The following PPP2R2D variants were observed in gnomAD, a reference collection of about 807,000 sequenced individuals.
PPP2R2D encodes protein phosphatase 2 regulatory subunit Bdelta.
PPP2R2D carries 9 observed loss-of-function variants against 31.1 expected under a neutral mutation model. The observed-to-expected ratio is 0.29, with a 90% CI of 0.17 to 0.51. PPP2R2D has a LOEUF of 0.51. Among genes scored for constraint, PPP2R2D ranks in the 20% least tolerant of loss-of-function variants. PPP2R2D has a pLI of 0.98. For synonymous variants in PPP2R2D, 179 were observed against 172.6 expected (o/e 1.04, Z -0.29); for missense variants, 391 against 465.6 (o/e 0.84, Z 1.48).
intron 3 of PPP2R2D, among the ~76,000 whole-genome samples, chr10:131,936,333 C>T (rs1303815200): frequency 6.6e-6 from 1 of 151,622 alleles, no homozygotes; most frequent in African/African-American, 2.4e-5. Flanking sequence ...ATTTTAGTAG[C>T]GATGGGGTTT....
the PPP2R2D span, chr10:131,971,056 G>A: frequency 7.3e-6 from 9 of 1,231,462 alleles, no homozygotes; most frequent in East Asian, 2.4e-5. Context: ...CTTCAGATCC[G>A]CAGGCTCAAT....
At chr10:131,948,782 G>A (rs1554898417) in intron 8 of PPP2R2D, among the ~76,000 whole-genome samples, 1 of 152,042 alleles carries the variant, frequency 6.6e-6, no homozygotes, top group African/African-American at 2.4e-5. Flanking sequence ...TTTCCTGTAT[G>A]TGCTTGGTAA....
chr10:131,910,713 G>A (rs917810540), intron 2 of PPP2R2D, among the ~76,000 whole-genome samples: 202 of 152,282 alleles, frequency 1.3e-3, no homozygotes, highest in Non-Finnish European at 2.0e-3. Context: ...TTCGTAATGC[G>A]TTGGCTAAGG....
At chr10:131,931,091 C>T (rs782438017) in intron 2 of PPP2R2D, among the ~76,000 whole-genome samples, 1 of 152,220 alleles carries the variant, frequency 6.6e-6, no homozygotes, top group Non-Finnish European at 1.5e-5. Flanking sequence ...CTACCTTGAG[C>T]ACGCAGGGTC....
At chr10:131,950,461 C>T (rs923365413) in intron 8 of PPP2R2D, among the ~76,000 whole-genome samples, 116 of 151,848 alleles carry the variant, frequency 7.6e-4, no homozygotes, top group African/African-American at 2.8e-3. Flanking sequence ...TCGGCTTTGC[C>T]ACGGCCACAG....
chr10:131,954,020 A>C (rs985175449), intron 8 of PPP2R2D, among the ~76,000 whole-genome samples: 10 of 152,164 alleles, frequency 6.6e-5, no homozygotes, highest in Non-Finnish European at 1.5e-4. Context: ...GTGCTGCCTC[A>C]GCCCAATCCT....
chr10:131,930,239 A>T (rs879959186), intron 2 of PPP2R2D, among the ~76,000 whole-genome samples: 4 of 151,990 alleles, frequency 2.6e-5, no homozygotes, highest in African/African-American at 7.2e-5. Flanking sequence ...TTTTTTAGCA[A>T]ACACTTCAAC....
At chr10:131,937,922 A>T (rs1446032003) in intron 3 of PPP2R2D, among the ~76,000 whole-genome samples, 1 of 151,802 alleles carries the variant, frequency 6.6e-6, no homozygotes, top group Admixed American at 6.6e-5. Flanking sequence ...GGCAGTCAGC[A>T]GCAAGGCGCT....
chr10:131,932,667 A>AAAAAAAAAAAAAAC (rs1564817986), intron 2 of PPP2R2D, among the ~76,000 whole-genome samples: 64 of 133,164 alleles, frequency 4.8e-4, no homozygotes, highest in South Asian at 1.3e-3. Context: ...AAAAAAAAAA[A>AAAAAAAAAAAAAAC]ACACACAAAA....
intron 2 of PPP2R2D, among the ~76,000 whole-genome samples, chr10:131,933,393 C>T (rs1197945801): frequency 6.6e-6 from 1 of 152,144 alleles, no homozygotes; most frequent in Admixed American, 6.5e-5. Context: ...TTACTTCCTA[C>T]TATAAACGTA....
At chr10:131,923,755 C>T (rs2119817637) in intron 2 of PPP2R2D, among the ~76,000 whole-genome samples, 1 of 152,058 alleles carries the variant, frequency 6.6e-6, no homozygotes, top group East Asian at 1.9e-4. Flanking sequence ...TTTCAATTGG[C>T]TTGTCTTTTT....
At chr10:131,930,737 G>T (rs2036205718) in intron 2 of PPP2R2D, among the ~76,000 whole-genome samples, 1 of 152,146 alleles carries the variant, frequency 6.6e-6, no homozygotes, top group African/African-American at 2.4e-5. Flanking sequence ...GCGCGGCCTG[G>T]GTCTGCCATC....
intron 2 of PPP2R2D, among the ~76,000 whole-genome samples, chr10:131,927,391 A>C (rs1554895073): frequency 6.6e-6 from 1 of 152,186 alleles, no homozygotes; most frequent in Non-Finnish European, 1.5e-5. Context: ...TGGAGCCTTC[A>C]GAGAGGGCGG....
chr10:131,960,866 C>T (rs149944076), downstream of PPP2R2D, among the ~76,000 whole-genome samples: 2 of 152,232 alleles, frequency 1.3e-5, no homozygotes, highest in African/African-American at 2.4e-5. Context: ...TAGCAGAGGT[C>T]GCATCTTCCC....
At position 131,956,606 on chromosome 10, in the gene PPP2R2D, T is replaced by G; in HGVS notation, c.*643T>G. On this transcript the variant is annotated 3_prime_UTR_variant, in exon 9 of 9. Coordinates refer to ENST00000455566, the MANE Select transcript of PPP2R2D (RefSeq NM_018461.5). ...TGCATAGAATGAAGTTATGCAGGGT[T>G]CTTCTTTGGAACTAACTGTTTGAGA... 7.3e-6 allele frequency: 7 copies of G among 964,246 alleles called. No individual in the cohort carries two copies. The highest frequency in any genetic ancestry group is 8.6e-6 in the Non-Finnish European group (7 of 810,602). The allele number at this position is 964,246 out of a possible 1,614,324, so 59.7% of individuals were successfully genotyped here.
intron 8 of PPP2R2D, among the ~76,000 whole-genome samples, chr10:131,950,088 G>T (rs1383651533): frequency 1.3e-5 from 2 of 152,240 alleles, no homozygotes; most frequent in Admixed American, 6.5e-5. Context: ...TATGACAGAT[G>T]AAACTGTGTG....
chr10:131,970,714 C>T, the PPP2R2D span: 2 of 1,614,186 alleles, frequency 1.2e-6, no homozygotes, highest in South Asian at 1.1e-5. The surrounding 1 kb of genome is among the most constrained non-coding windows in gnomAD (Gnocchi z 4.1). Context: ...GAGAATATGC[C>T]CCCTTTCTTC....
intron 2 of PPP2R2D, among the ~76,000 whole-genome samples, chr10:131,929,103 C>T (rs965413341): frequency 2.0e-5 from 3 of 152,218 alleles, no homozygotes; most frequent in South Asian, 2.1e-4. Context: ...TGACCCCAGA[C>T]GGCCTTGTCA....
chr10:131,917,028 G>C (rs2035811572), intron 2 of PPP2R2D, among the ~76,000 whole-genome samples: 1 of 149,092 alleles, frequency 6.7e-6, no homozygotes. Context: ...ACCTCACGTG[G>C]GTGGAATGAC....
Sources: allele counts gnomAD v4.1 joint callset (sites outside exome capture counted in the v4.1 genomes callset), GRCh38; gene constraint gnomAD v4.1.1; non-coding constraint Gnocchi (gnomAD v3.1); transcripts MANE v1.5; gene names NCBI Gene and HGNC (gene_info 2026-07-23, HGNC 2026-07-21).